ZRANB1: variants seen among roughly 807,000 people sequenced by gnomAD.
The protein encoded by ZRANB1 is ubiquitin thioesterase ZRANB1.
Under a neutral mutation model 80.5 loss-of-function variants are expected in ZRANB1, and 16 were observed. The ratio of observed to expected loss-of-function variants is 0.20; its 90% CI spans 0.13 to 0.30. ZRANB1 has a LOEUF of 0.30. Ranked by LOEUF, ZRANB1 falls within the 10% of genes least tolerant of loss-of-function variation. ZRANB1 has a pLI of 1.00. For missense variants in ZRANB1, 576 were observed against 862.6 expected (o/e 0.67, Z 4.16); for synonymous variants, 291 against 293.1 (o/e 0.99, Z 0.07).
the ZRANB1 span, among the ~76,000 whole-genome samples, chr10:124,920,203 G>T: frequency 1.3e-5 from 2 of 152,198 alleles, no homozygotes; most frequent in African/African-American, 4.8e-5. Context: ...GGGATTACAG[G>T]CGTGAGCCAC....
At chr10:124,947,331 G>A (rs1678418846) in intron 1 of ZRANB1, among the ~76,000 whole-genome samples, 1 of 152,186 alleles carries the variant, frequency 6.6e-6, no homozygotes, top group Admixed American at 6.5e-5. Flanking sequence ...GGTCATGTGA[G>A]CACTCACCAT....
the ZRANB1 span, among the ~76,000 whole-genome samples, chr10:124,916,955 A>G: frequency 7.3e-5 from 11 of 151,634 alleles, no homozygotes; most frequent in African/African-American, 2.7e-4. Context: ...GCCGCCTCCC[A>G]CACCTCAGTG....
chr10:124,938,344 C>G (rs982322028), upstream of ZRANB1, among the ~76,000 whole-genome samples: 19 of 144,904 alleles, frequency 1.3e-4, no homozygotes, highest in Non-Finnish European at 2.3e-4. Context: ...TTTTTCTTTT[C>G]TTTTTTTTTT....
intron 3 of ZRANB1, 141 bp from the exon 4 acceptor site, chr10:124,973,504 A>G (rs187066099): frequency 1.4e-5 from 10 of 711,236 alleles, no homozygotes; most frequent in East Asian, 5.4e-5. Flanking sequence ...GTATATTAAG[A>G]AAAAGCTATC....
chr10:124,952,110 C>T (rs188338426), intron 1 of ZRANB1, among the ~76,000 whole-genome samples: 4 of 152,128 alleles, frequency 2.6e-5, no homozygotes, highest in African/African-American at 7.2e-5. Context: ...ATTTGCATGA[C>T]CAATATAAAT....
chr10:124,958,010 G>C (rs915406361), intron 1 of ZRANB1, among the ~76,000 whole-genome samples: 4 of 152,182 alleles, frequency 2.6e-5, no homozygotes, highest in Non-Finnish European at 5.9e-5. Context: ...GATTACAGGC[G>C]TGAGCCACTG....
chr10:124,942,111 T>C (rs1214285935), upstream of ZRANB1: 7 of 1,039,372 alleles, frequency 6.7e-6, no homozygotes, highest in Non-Finnish European at 2.3e-6. Flanking sequence ...TTGGTTACTT[T>C]TCTAAATTGA....
intron 1 of ZRANB1, among the ~76,000 whole-genome samples, chr10:124,943,528 A>T (rs201296177): frequency 4.7e-5 from 7 of 148,622 alleles, no homozygotes; most frequent in Non-Finnish European, 4.5e-5. Context: ...CAAAAATGTG[A>T]GTGTGTGTGT....
chr10:124,986,869 T>C lies in ZRANB1; in HGVS notation c.*1877T>C, dbSNP rs1228913910. ...AGGGAAAAGCATGTAGCCATTGCAG[T>C]CTGCATTGCAGCCAGCGTTGTCCAG... On this transcript the variant is annotated 3_prime_UTR_variant, in exon 9 of 9. Coordinates refer to ENST00000359653, the MANE Select transcript of ZRANB1 (RefSeq NM_017580.3). 1.5e-5 allele frequency: 2 copies of C among 134,798 alleles called. No individual in the cohort carries two copies. The highest frequency in any genetic ancestry group is 5.7e-5 in the African/African-American group (2 of 35,364). The allele number at this position is 134,798 out of a possible 1,614,324, so 8.4% of individuals were successfully genotyped here.
intron 1 of ZRANB1, among the ~76,000 whole-genome samples, chr10:124,958,826 C>T (rs750934646): frequency 2.6e-5 from 4 of 152,052 alleles, no homozygotes; most frequent in Non-Finnish European, 4.4e-5. Flanking sequence ...TGTTCACTTT[C>T]GTTCACTTTC....
the ZRANB1 span, among the ~76,000 whole-genome samples, chr10:124,920,631 TC>T: frequency 2.6e-5 from 4 of 151,980 alleles, no homozygotes; most frequent in South Asian, 8.3e-4. Context: ...GAAATCCTCT[TC>T]TGCTTGTATT....
chr10:124,979,760 C>G (rs1428559063), intron 5 of ZRANB1, among the ~76,000 whole-genome samples: 1 of 152,006 alleles, frequency 6.6e-6, no homozygotes. Context: ...GTTTCGGTAC[C>G]TTTAATTGAA....
intron 1 of ZRANB1, among the ~76,000 whole-genome samples, chr10:124,964,686 T>A (rs1048430982): frequency 6.6e-6 from 1 of 152,216 alleles, no homozygotes; most frequent in African/African-American, 2.4e-5. Flanking sequence ...GTTTGGAACA[T>A]TTTTTATGTA....
intron 5 of ZRANB1, among the ~76,000 whole-genome samples, chr10:124,980,461 C>T: frequency 6.6e-6 from 1 of 152,194 alleles, no homozygotes; most frequent in East Asian, 1.9e-4. Flanking sequence ...TTTCTAACTG[C>T]ATATAACTTT....
intron 5 of ZRANB1, chr10:124,981,356 G>A (rs1951930879): frequency 5.6e-6 from 1 of 177,662 alleles, no homozygotes; most frequent in Non-Finnish European, 1.2e-5. Context: ...CATTGATAGA[G>A]AAATGTAGTG....
the ZRANB1 span, among the ~76,000 whole-genome samples, chr10:124,929,944 C>CA: frequency 0.52 from 45,790 of 87,474 alleles, 10,605 homozygotes; most frequent in East Asian, 0.67. Context: ...GACTCTGTCT[C>CA]AAAAAAAAAA....
At chr10:124,937,448 AG>A (rs1951497901), upstream of ZRANB1, among the ~76,000 whole-genome samples, 1 of 151,916 alleles carries the variant, frequency 6.6e-6, no homozygotes, top group Non-Finnish European at 1.5e-5. Context: ...GGCCTCCCAA[AG>A]TGCTGGGATT....
At chr10:124,944,768 A>G (rs1373399509) in intron 1 of ZRANB1, among the ~76,000 whole-genome samples, 1 of 152,142 alleles carries the variant, frequency 6.6e-6, no homozygotes, top group Non-Finnish European at 1.5e-5. Context: ...TGTTGGGATT[A>G]TAGGCATAAT....
chr10:124,949,522 CA>C (rs1241251507), intron 1 of ZRANB1, among the ~76,000 whole-genome samples: 7 of 33,882 alleles, frequency 2.1e-4, no homozygotes, highest in Admixed American at 2.7e-4. Context: ...CACACACACA[CA>C]TTTTTTTTTT....
Sources: gnomAD v4.1 joint callset for allele counts (sites outside exome capture counted in the v4.1 genomes callset) on GRCh38, gnomAD v4.1.1 for gene constraint, MANE v1.5 for transcripts, NCBI Gene and HGNC (gene_info 2026-07-23, HGNC 2026-07-21) for gene names.